The following NFXL1 variants were observed in gnomAD, a reference collection of about 807,000 sequenced individuals.
NFXL1 encodes the protein NF-X1-type zinc finger protein NFXL1.
Under a neutral mutation model 123.3 loss-of-function variants are expected in NFXL1, and 66 were observed. The observed-to-expected ratio is 0.54, with a 90% confidence interval of 0.44 to 0.66. The LOEUF (loss-of-function observed/expected upper bound fraction) is 0.66, where lower values mean the gene tolerates loss of function less well. Among genes scored for constraint, NFXL1 ranks in the 30% least tolerant of loss-of-function variants. The probability of loss-of-function intolerance (pLI) is 0.00; values close to 1 mark genes in which losing one functional copy is unlikely to be tolerated. For missense variants in NFXL1, 944 were observed against 1,125.6 expected (o/e 0.84, Z 2.31); for synonymous variants, 346 against 360.8 (o/e 0.96, Z 0.46).
At chr4:47,851,298 A>C (rs1734103985) in intron 21 of NFXL1, 150 bp from the exon 22 acceptor site, 1 of 626,430 alleles carries the variant, frequency 1.6e-6, no homozygotes, top group Non-Finnish European at 2.8e-6. Context: ...TACTGAGACA[A>C]GGTTTTACCA....
At chr4:47,877,590 T>C (rs889598747) in intron 17 of NFXL1, among the ~76,000 whole-genome samples, 1 of 152,064 alleles carries the variant, frequency 6.6e-6, no homozygotes, top group African/African-American at 2.4e-5. Flanking sequence ...GATTTTATAA[T>C]TCTAGCATCT....
At chr4:47,878,728 G>A (rs1735903262) in intron 16 of NFXL1, 63 bp from the exon 17 acceptor site, 3 of 1,238,894 alleles carry the variant, frequency 2.4e-6, no homozygotes, top group Middle Eastern at 2.0e-4. Context: ...CATATTATAT[G>A]TTTCCAAAAT....
chr4:47,887,269 A>T (rs1459163707), intron 12 of NFXL1, among the ~76,000 whole-genome samples: 1 of 152,196 alleles, frequency 6.6e-6, no homozygotes, highest in African/African-American at 2.4e-5. Context: ...TCTTAAAGAG[A>T]CTGTTGCCTA....
At chr4:47,865,096 T>G (rs1227143994) in intron 18 of NFXL1, among the ~76,000 whole-genome samples, 1 of 152,178 alleles carries the variant, frequency 6.6e-6, no homozygotes, top group Non-Finnish European at 1.5e-5. Flanking sequence ...GAAGTGATTG[T>G]TTTCTTCTTG....
chr4:47,912,114 A>G (rs566553228), intron 2 of NFXL1, among the ~76,000 whole-genome samples: 3 of 152,318 alleles, frequency 2.0e-5, no homozygotes, highest in Non-Finnish European at 2.9e-5. Context: ...TAACAAAACA[A>G]ATTGAGTATT....
chr4:47,880,809 A>T (rs1278639697), intron 15 of NFXL1, among the ~76,000 whole-genome samples: 5 of 8,914 alleles, frequency 5.6e-4, no homozygotes, highest in African/African-American at 1.2e-3. Flanking sequence ...TTAATGAGTA[A>T]AAAAAAAAAA....
At chr4:47,913,855 C>T (rs1737966280) in intron 2 of NFXL1, 114 bp downstream of exon 2, 1 of 688,462 alleles carries the variant, frequency 1.5e-6, no homozygotes, top group South Asian at 2.4e-5. Flanking sequence ...CGATAACAAA[C>T]TCCCGAACGA....
At chr4:47,911,371 G>T (rs1034945354) in intron 2 of NFXL1, among the ~76,000 whole-genome samples, 1 of 152,176 alleles carries the variant, frequency 6.6e-6, no homozygotes, top group African/African-American at 2.4e-5. Flanking sequence ...TAAGAAGTGA[G>T]GGAACATGTC....
intron 12 of NFXL1, 110 bp from the exon 13 acceptor site, chr4:47,886,109 A>G: frequency 3.1e-6 from 3 of 966,634 alleles, no homozygotes; most frequent in Non-Finnish European, 4.7e-6. Context: ...CTACAACAAG[A>G]ATGAAGAAAC....
At chr4:47,851,704 C>T in intron 21 of NFXL1, 152 bp downstream of exon 21, 1 of 546,642 alleles carries the variant, frequency 1.8e-6, no homozygotes, top group South Asian at 2.6e-5. Context: ...ATGAAAATCC[C>T]AATCTGCCAT....
Position 47,891,932 on chromosome 4 carries a change from G to C in NFXL1, c.1453-1229C>G, listed in dbSNP as rs185064998. Among the ~76,000 whole-genome samples the C allele has an allele frequency of 2.7e-5, 4 of 149,734 alleles. No homozygotes were observed. The East Asian group carries it at 7.8e-4, about 29-fold the overall frequency. The stretch of plus-strand genomic sequence containing the variant: ...AGCCTGGACGATAGAGTAAGACTCC[G>C]TCTCAAAAAAAAAAAAAGAGGCAAT... On this transcript the variant is annotated intron_variant, in intron 11 of 22. Transcript: ENST00000507489.
At chr4:47,878,500 T>C in intron 17 of NFXL1, 25 bp downstream of exon 17, 1 of 1,503,746 alleles carries the variant, frequency 6.7e-7, no homozygotes, top group Non-Finnish European at 8.9e-7. Context: ...TATGGGCAGA[T>C]ATACATTCAA....
At chr4:47,879,631 A>C (rs1450881394) in intron 15 of NFXL1, among the ~76,000 whole-genome samples, 1 of 152,186 alleles carries the variant, frequency 6.6e-6, no homozygotes, top group Non-Finnish European at 1.5e-5. Context: ...AATACAAAAG[A>C]AAGCAAAGTC....
chr4:47,852,154 A>C, intron 20 of NFXL1: 2 of 448,658 alleles, frequency 4.5e-6, no homozygotes, highest in East Asian at 3.7e-5. Flanking sequence ...AATACCATAA[A>C]ATTTTTAAAA....
intron 16 of NFXL1, 90 bp from the exon 17 acceptor site, chr4:47,878,755 G>C: frequency 1.1e-6 from 1 of 930,640 alleles, no homozygotes; most frequent in Non-Finnish European, 1.5e-6. Flanking sequence ...GCTATCATTT[G>C]AGAACAAGTT....
intron 12 of NFXL1, among the ~76,000 whole-genome samples, chr4:47,887,283 G>A (rs761895384): frequency 2.0e-5 from 3 of 152,134 alleles, no homozygotes; most frequent in Non-Finnish European, 4.4e-5. Flanking sequence ...TTGCCTAGGT[G>A]TCAGGACCAA....
chr4:47,880,257 T>C (rs1736010797), intron 15 of NFXL1, among the ~76,000 whole-genome samples: 1 of 151,396 alleles, frequency 6.6e-6, no homozygotes. Context: ...TAAAAAAAAT[T>C]AGCTGAACAT....
intron 3 of NFXL1, among the ~76,000 whole-genome samples, chr4:47,910,024 T>C (rs1578044640): frequency 6.6e-6 from 1 of 152,360 alleles, no homozygotes; most frequent in Non-Finnish European, 1.5e-5. Context: ...TAATAATATT[T>C]ACATTTAAAA....
chr4:47,911,417 A>G (rs541833207), intron 2 of NFXL1, among the ~76,000 whole-genome samples: 1 of 152,334 alleles, frequency 6.6e-6, no homozygotes, highest in African/African-American at 2.4e-5. Flanking sequence ...GAAGGTAGGT[A>G]TTTCAAACTA....
Sources: allele counts gnomAD v4.1 joint callset (sites outside exome capture counted in the v4.1 genomes callset), GRCh38; gene constraint gnomAD v4.1.1; transcripts MANE v1.5; gene names NCBI Gene and HGNC (gene_info 2026-07-23, HGNC 2026-07-21).